OSBPL10: variants seen among roughly 807,000 people sequenced by gnomAD.
The protein encoded by OSBPL10 is oxysterol binding protein like 10.
Under a neutral mutation model 81.7 loss-of-function variants are expected in OSBPL10, and 49 were observed. The ratio of observed to expected loss-of-function variants is 0.60; its 90% confidence interval spans 0.48 to 0.76. The LOEUF is 0.76. Ranked by LOEUF, OSBPL10 falls within the 30% of genes least tolerant of loss-of-function variation. OSBPL10 has a pLI of 0.00. For synonymous variants in OSBPL10, 419 were observed against 383.6 expected, an observed-to-expected ratio of 1.09 and a Z score of -1.08; for missense variants, 923 against 987.8, an observed-to-expected ratio of 0.93 and a Z score of 0.88.
chr3:31,886,011 A>AAAAG (rs914977516), intron 1 of OSBPL10, among the ~76,000 whole-genome samples: 25 of 142,772 alleles, frequency 1.8e-4, no homozygotes, highest in South Asian at 7.2e-4. Context: ...AAAAAAAAAA[A>AAAAG]AAAGAAAGAA....
At position 31,981,032 on chromosome 3, in the gene OSBPL10, C is replaced by T; in HGVS notation, c.148G>A (p.Gly50Ser). ...VSSRSAAAGLGGGGSRSSPGS... is the reference protein window; with the variant it reads ...VSSRSAAAGLSGGGSRSSPGS... ...GGGCTGCTGCGGCTTCCCCCGCCGC[C>T]GAGCCCGGCCGCCGCCGACCGGCTG... The change falls in exon 1 of 12, where the codon GGC (glycine) becomes AGC (serine). Residue 50 changes from glycine to serine, a missense_variant. Gly to Ser is a moderately conservative substitution (Grantham distance 56, BLOSUM62 0). Transcript: ENST00000396556. This position sits in a 1 kb window ranked among gnomAD's most constrained non-coding sequence, Gnocchi z 4.5. 6.8e-7 allele frequency: 1 copy of T among 1,470,610 alleles called. No homozygotes were observed. The highest frequency in any genetic ancestry group is 9.0e-7 in the Non-Finnish European group (1 of 1,115,770). 91.1% of individuals were successfully genotyped at this position (1,470,610 alleles called of 1,614,324 possible). A position where few individuals can be genotyped will look rare whatever the true frequency, so the allele number is the denominator to read the frequency against.
intron 4 of OSBPL10, among the ~76,000 whole-genome samples, chr3:31,773,969 C>T (rs1351300401): frequency 6.6e-6 from 1 of 152,136 alleles, no homozygotes; most frequent in Non-Finnish European, 1.5e-5. Context: ...CGAGACCAGC[C>T]TGACCAACAT....
At chr3:31,901,647 T>C (rs1696244909) in intron 1 of OSBPL10, among the ~76,000 whole-genome samples, 2 of 152,234 alleles carry the variant, frequency 1.3e-5, no homozygotes, top group African/African-American at 2.4e-5. Flanking sequence ...TGTGGGATTA[T>C]TTGTTAACAT....
At chr3:31,707,382 T>C (rs952947642) in intron 6 of OSBPL10, 5 of 152,170 alleles carry the variant, frequency 3.3e-5, no homozygotes, top group African/African-American at 7.2e-5. Context: ...TGAAAACCTA[T>C]ATGGCAAGGA....
At chr3:32,001,906 A>G (rs1699152311) in intron 2 of OSBPL10, among the ~76,000 whole-genome samples, 1 of 152,228 alleles carries the variant, frequency 6.6e-6, no homozygotes, top group African/African-American at 2.4e-5. Flanking sequence ...TGACAATTAC[A>G]GCAATCCTGA....
chr3:31,957,321 C>A (rs561358858), intron 1 of OSBPL10, among the ~76,000 whole-genome samples: 2 of 151,990 alleles, frequency 1.3e-5, no homozygotes, highest in Non-Finnish European at 2.9e-5. Context: ...GACTCAGTTA[C>A]GATAAATCCA....
At chr3:31,796,197 CT>C in intron 4 of OSBPL10, 1 of 201,616 alleles carries the variant, frequency 5.0e-6, no homozygotes. Flanking sequence ...GTGGGAAGTC[CT>C]TTGCTGTAAC....
At chr3:31,945,413 A>G (rs945923430) in intron 1 of OSBPL10, among the ~76,000 whole-genome samples, 3 of 152,188 alleles carry the variant, frequency 2.0e-5, no homozygotes, top group African/African-American at 7.2e-5. Flanking sequence ...TCAGTGACAT[A>G]CGATCCAGCC....
chr3:31,847,359 C>T (rs1173756029), intron 3 of OSBPL10, among the ~76,000 whole-genome samples: 1 of 152,074 alleles, frequency 6.6e-6, no homozygotes, highest in Non-Finnish European at 1.5e-5. Flanking sequence ...CCACACCTGG[C>T]TGATTTTTGT....
At chr3:31,701,927 G>A (rs1023889233) in intron 7 of OSBPL10, 3 of 162,840 alleles carry the variant, frequency 1.8e-5, no homozygotes, top group South Asian at 1.8e-4. Context: ...GAGGTTGGGC[G>A]TGTAGAGTGG....
At chr3:32,056,373 G>C (rs1699712508) in intron 1 of OSBPL10, among the ~76,000 whole-genome samples, 1 of 152,166 alleles carries the variant, frequency 6.6e-6, no homozygotes, top group Non-Finnish European at 1.5e-5. Context: ...TATCAGCCGG[G>C]TTCCAACAAT....
At chr3:31,961,693 T>G (rs1412307499) in intron 1 of OSBPL10, among the ~76,000 whole-genome samples, 1 of 152,050 alleles carries the variant, frequency 6.6e-6, no homozygotes, top group Non-Finnish European at 1.5e-5. Context: ...CTTGAACTCC[T>G]GGGCTCAAGC....
At chr3:31,808,280 C>T (rs145295290) in intron 4 of OSBPL10, among the ~76,000 whole-genome samples, 2 of 152,278 alleles carry the variant, frequency 1.3e-5, no homozygotes, top group South Asian at 2.1e-4. Context: ...TCACAGTGAC[C>T]ATCCAGGCCT....
chr3:31,876,708 C>T (rs189168382), intron 2 of OSBPL10, among the ~76,000 whole-genome samples, 196 bp from the exon 3 acceptor site: 299 of 152,210 alleles, frequency 2.0e-3, no homozygotes, highest in Non-Finnish European at 3.2e-3. Flanking sequence ...CTGAATCCCA[C>T]GGAAAATCCT....
chr3:31,833,705 G>GCGCACACACACA lies in OSBPL10; in HGVS notation c.538-3475_538-3474insTGTGTGTGTGCG, dbSNP rs1553631714. Among the ~76,000 whole-genome samples, 12 of 138,038 alleles carry GCGCACACACACA rather than the reference G, an allele frequency of 8.7e-5. No homozygotes were observed. The East Asian group carries it at 1.1e-3, about 13-fold the overall frequency. The allele number at this position is 138,038 out of a possible 152,430, so 90.6% of individuals were successfully genotyped here. A position where few individuals can be genotyped will look rare whatever the true frequency, so the allele number is the denominator to read the frequency against. On this transcript the variant is annotated intron_variant, in intron 3 of 11. Transcript: ENST00000396556. ...GTAGGGAAAACACGCACACGCACAC[G>GCGCACACACACA]CACACACACACACACACACACACAC...
intron 1 of OSBPL10, among the ~76,000 whole-genome samples, chr3:31,907,295 T>C (rs1273688313): frequency 6.6e-6 from 1 of 152,126 alleles, no homozygotes; most frequent in Non-Finnish European, 1.5e-5. Context: ...AGGTATTCTT[T>C]ATTGCATTTT....
intron 11 of OSBPL10, chr3:31,662,753 G>GT: frequency 1.0e-6 from 1 of 985,404 alleles, no homozygotes; most frequent in Non-Finnish European, 1.2e-6. Context: ...AGGAAGAACT[G>GT]TAAATGTTTT....
intron 3 of OSBPL10, among the ~76,000 whole-genome samples, chr3:31,861,781 T>G (rs1575588033): frequency 6.6e-6 from 1 of 152,280 alleles, no homozygotes; most frequent in African/African-American, 2.4e-5. Context: ...GGGTGATTCT[T>G]TCTATTCTGG....
chr3:31,927,248 TTA>T (rs1697101721), intron 1 of OSBPL10, among the ~76,000 whole-genome samples: 1 of 152,200 alleles, frequency 6.6e-6, no homozygotes, highest in Non-Finnish European at 1.5e-5. Context: ...ACATTTTCAA[TTA>T]CCATGAAAAA....
Sources: gnomAD v4.1 joint callset for allele counts (sites outside exome capture counted in the v4.1 genomes callset) on GRCh38, gnomAD v4.1.1 for gene constraint, Gnocchi (gnomAD v3.1) non-coding constraint, MANE v1.5 for transcripts, NCBI Gene and HGNC (gene_info 2026-07-23, HGNC 2026-07-21) for gene names.